The following SMARCA4 variants were observed in gnomAD, a reference collection of about 807,000 sequenced individuals.
The protein encoded by SMARCA4 is SWI/SNF-related matrix-associated actin-dependent regulator of chromatin subfamily A member 4.
A neutral mutation model predicts 193.9 loss-of-function variants in SMARCA4; 31 were observed. That is an observed-to-expected ratio of 0.16 (90% CI 0.12 to 0.22). The LOEUF is 0.22. SMARCA4 is among the 10% of genes least tolerant of loss of function. The pLI is 1.00. For missense variants in SMARCA4, 1,148 were observed against 2,296.0 expected (o/e 0.50, Z 10.22); for synonymous variants, 942 against 933.1 (o/e 1.01, Z -0.17).
chr19:11,040,383 A>G (rs140808844), intron 29 of SMARCA4: 4,491 of 151,864 alleles, frequency 0.03, 99 homozygotes, highest in Non-Finnish European at 0.048. Flanking sequence ...CACAAGGTCA[A>G]GAGTTTGAGA....
At chr19:11,014,957 C>G (rs941785516) in intron 16 of SMARCA4, among the ~76,000 whole-genome samples, 1 of 151,958 alleles carries the variant, frequency 6.6e-6, no homozygotes, top group Non-Finnish European at 1.5e-5. Flanking sequence ...GGATTAGAGG[C>G]ACGCGCCACC....
chr19:11,055,904 G>A (rs1189526855), intron 30 of SMARCA4, among the ~76,000 whole-genome samples: 1 of 151,884 alleles, frequency 6.6e-6, no homozygotes, highest in Non-Finnish European at 1.5e-5. Context: ...AAATGTAATA[G>A]AATGGAAAAT....
chr19:11,017,068 C>T (rs1293033277), intron 16 of SMARCA4, among the ~76,000 whole-genome samples: 3 of 152,104 alleles, frequency 2.0e-5, no homozygotes, highest in East Asian at 1.9e-4. Flanking sequence ...GCTTTGTGCA[C>T]GTATCGTCTA....
At chr19:10,994,241 C>T (rs1471707092) in intron 8 of SMARCA4, among the ~76,000 whole-genome samples, 1 of 149,724 alleles carries the variant, frequency 6.7e-6, no homozygotes, top group South Asian at 2.1e-4. Context: ...TGGGGTTTCA[C>T]TATGTTGGCT....
At chr19:11,035,170 G>T (rs1164423497) in intron 29 of SMARCA4, 38 bp downstream of exon 29, 2 of 1,579,524 alleles carry the variant, frequency 1.3e-6, no homozygotes, top group Non-Finnish European at 1.7e-6. Flanking sequence ...CCGCAGGCCA[G>T]CGCCAGGCAG....
chr19:10,996,348 G>A lies in SMARCA4; in HGVS notation c.1729G>A (p.Ala577Thr), dbSNP rs1369374541. Reference sequence around the variant, plus strand: ...GCGGCAGCACAAGGCTGCCCAGGTCGCCAAGGAGAAAAAGAAGAAAAAGAA... The same window carrying A: ...GCGGCAGCACAAGGCTGCCCAGGTCACCAAGGAGAAAAAGAAGAAAAAGAA... ...LVRQHKAAQV[A>T]KEKKKKKKKK... The change falls in exon 10 of 35, where the codon GCC becomes ACC. Residue 577 changes from alanine (A) to threonine (T), a missense_variant. Transcript: ENST00000344626. 5.6e-6 allele frequency: 9 copies of A among 1,614,192 alleles called. No individual in the cohort carries two copies. The highest frequency in any genetic ancestry group is 2.2e-5 in the East Asian group (1 of 44,882).
At chr19:11,055,390 A>G (rs1005785343) in intron 30 of SMARCA4, among the ~76,000 whole-genome samples, 4 of 152,106 alleles carry the variant, frequency 2.6e-5, no homozygotes, top group African/African-American at 9.6e-5. Flanking sequence ...GGGTATCACT[A>G]TCTTGGCCAG....
rs1245537827 is a variant in SMARCA4 at position 11,062,182 on chromosome 19, T to C, written c.*366T>C. The C allele has an allele frequency of 2.8e-5, 11 of 394,990 alleles. No homozygotes were observed. Among genetic ancestry groups the C allele is most frequent in the Non-Finnish European group, 4.7e-5 (10 of 212,702 alleles). 24.5% of individuals were successfully genotyped at this position (394,990 alleles called of 1,614,324 possible). ...TCACCGTCCACTCCTCCTACTGTAT[T>C]TTATTGGACAGGTCAGACTCGCCGG... On this transcript the variant is annotated 3_prime_UTR_variant, in exon 35 of 35. Transcript: ENST00000344626.
intron 30 of SMARCA4, among the ~76,000 whole-genome samples, chr19:11,053,005 C>G (rs948145471): frequency 6.6e-6 from 1 of 152,206 alleles, no homozygotes; most frequent in Non-Finnish European, 1.5e-5. Context: ...TGGCATCTGC[C>G]TCTTGCCATG....
intron 1 of SMARCA4, among the ~76,000 whole-genome samples, chr19:10,964,825 C>G (rs2084086781): frequency 6.6e-6 from 1 of 152,014 alleles, no homozygotes; most frequent in African/African-American, 2.4e-5. Flanking sequence ...CCATGTTGGC[C>G]AGAACTCCTG....
At chr19:11,057,031 T>C (rs1208979393) in intron 30 of SMARCA4, among the ~76,000 whole-genome samples, 1 of 152,234 alleles carries the variant, frequency 6.6e-6, no homozygotes, top group Non-Finnish European at 1.5e-5. Context: ...AAAGAAGCGG[T>C]GCTGATGAGG....
intron 13 of SMARCA4, among the ~76,000 whole-genome samples, chr19:11,007,133 C>T (rs1009237560): frequency 5.3e-5 from 8 of 151,710 alleles, no homozygotes; most frequent in Non-Finnish European, 8.8e-5. Flanking sequence ...GGTGGGGAAA[C>T]CAAAAACGGT....
intron 1 of SMARCA4, among the ~76,000 whole-genome samples, chr19:10,971,126 G>A (rs1334105479): frequency 6.6e-6 from 1 of 152,156 alleles, no homozygotes; most frequent in Non-Finnish European, 1.5e-5. Flanking sequence ...AACCCAGGAG[G>A]CAGAGGTTGC....
At chr19:11,002,310 T>C (rs1333278785) in intron 11 of SMARCA4, among the ~76,000 whole-genome samples, 3 of 151,586 alleles carry the variant, frequency 2.0e-5, no homozygotes, top group Non-Finnish European at 4.4e-5. Flanking sequence ...AAACCCCGTC[T>C]CCACTAAAAA....
intron 24 of SMARCA4, among the ~76,000 whole-genome samples, chr19:11,028,183 T>C (rs904539627): frequency 6.6e-6 from 1 of 152,190 alleles, no homozygotes; most frequent in Non-Finnish European, 1.5e-5. Flanking sequence ...TCCACGACAA[T>C]GCTGGGCGCA....
At chr19:11,000,483 T>C (rs1053907770) in intron 11 of SMARCA4, among the ~76,000 whole-genome samples, 2 of 152,086 alleles carry the variant, frequency 1.3e-5, no homozygotes, top group Non-Finnish European at 2.9e-5. Flanking sequence ...ACTGTGTTTG[T>C]ACCACTGCAT....
intron 1 of SMARCA4, among the ~76,000 whole-genome samples, chr19:10,966,195 G>A (rs967849770): frequency 5.3e-5 from 8 of 151,890 alleles, no homozygotes; most frequent in African/African-American, 1.7e-4. Context: ...TGTTGACCAG[G>A]CTGGTCTTGA....
rs1161472085 is a variant in SMARCA4 at position 11,024,454 on chromosome 19, C to T, written c.3081+16C>T. 1 of 1,546,654 alleles carries T rather than the reference C, an allele frequency of 6.5e-7. No homozygotes were observed. Among genetic ancestry groups the T allele is most frequent in the South Asian group, 1.1e-5 (1 of 89,812 alleles). On this transcript the variant is annotated intron_variant, in intron 21 of 34. Coordinates refer to ENST00000344626, the MANE Select transcript of SMARCA4 (RefSeq NM_003072.5). ...GGACAAGAAGGTGGGCCCCAGAGTC[C>T]CCCAACTGCATTCCCCACTGGGTGT...
In SMARCA4 at chr19:10,984,179, G is replaced by A. The variant is rs140176945; in HGVS notation, c.28G>A (p.Gly10Arg). MSTPDPPLGGTPRPGPSPGP... is the reference protein window; with the variant it reads MSTPDPPLGRTPRPGPSPGP... Reference sequence around the variant, plus strand: ...GTCCACTCCAGACCCACCCCTGGGCGGAACTCCTCGGCCAGGTCCTTCCCC... The same window carrying A: ...GTCCACTCCAGACCCACCCCTGGGCAGAACTCCTCGGCCAGGTCCTTCCCC... Residue 10 changes from glycine (G) to arginine (R), a missense_variant, in exon 2 of 35, where the codon GGA becomes AGA. Gly to Arg is a moderately radical substitution (Grantham distance 125). This residue lies in a region of SMARCA4 where 201 missense variants were observed against 248.3 expected (regional missense o/e 0.81). Coordinates refer to ENST00000344626, the MANE Select transcript of SMARCA4 (RefSeq NM_003072.5). This position sits in a 1 kb window ranked among gnomAD's most constrained non-coding sequence, Gnocchi z 4.3. 2.5e-6 allele frequency: 4 copies of A among 1,613,500 alleles called. 1 individual carries two copies. Among genetic ancestry groups the A allele is most frequent in the East Asian group, 2.2e-5 (1 of 44,872 alleles).
Sources: gnomAD v4.1 joint callset for allele counts (sites outside exome capture counted in the v4.1 genomes callset) on GRCh38, gnomAD v4.1.1 for gene constraint, gnomAD v4.1.1 regional missense constraint, Gnocchi (gnomAD v3.1) non-coding constraint, MANE v1.5 for transcripts, NCBI Gene and HGNC (gene_info 2026-07-23, HGNC 2026-07-21) for gene names.